Variants in ATP2A2 observed in about 807,000 individuals in gnomAD.
ATP2A2 encodes the protein ATPase sarcoplasmic/endoplasmic reticulum Ca2+ transporting 2.
In ATP2A2, 14 loss-of-function variants were observed where a neutral mutation model predicts 109.3. The ratio of observed to expected loss-of-function variants is 0.13; its 90% CI spans 0.08 to 0.20. The LOEUF (loss-of-function observed/expected upper bound fraction) is 0.20, where lower values mean the gene tolerates loss of function less well. Ranked by LOEUF, ATP2A2 falls within the 10% of genes least tolerant of loss-of-function variation. The pLI is 1.00. For synonymous variants in ATP2A2, 506 were observed against 490.9 expected (o/e 1.03, Z -0.41); for missense variants, 657 against 1,321.6 (o/e 0.50, Z 7.80).
At chr12:110,291,640 CTTTTTT>C (rs34738611) in intron 3 of ATP2A2, among the ~76,000 whole-genome samples, 77 of 116,152 alleles carry the variant, frequency 6.6e-4, no homozygotes, top group African/African-American at 2.5e-3. Flanking sequence ...GTGCTAGCCA[CTTTTTT>C]TTTTTTTTTT....
At chr12:110,333,904 T>C in intron 10 of ATP2A2, 108 bp from the exon 11 acceptor site, 4 of 1,466,062 alleles carry the variant, frequency 2.7e-6, no homozygotes, top group Non-Finnish European at 3.8e-6. Context: ...GGCCTTACAG[T>C]GTTGTAATAG....
intron 8 of ATP2A2, chr12:110,332,024 T>C (rs767189702): frequency 1.1e-4 from 19 of 172,644 alleles, no homozygotes; most frequent in Non-Finnish European, 2.1e-4. Context: ...CATATAGTTA[T>C]GCAGCTTCAT....
Position 110,332,616 on chromosome 12 carries a change from T to C in ATP2A2, c.1115T>C (p.Val372Ala). ...CTACAGATGTTCATTCTGGACAGAGTGGAAGGTGATACTTGTTCCCTTAAT... is the reference window on the plus strand; with the variant it reads ...CTACAGATGTTCATTCTGGACAGAGCGGAAGGTGATACTTGTTCCCTTAAT... ...SVCRMFILDR[V>A]EGDTCSLNEF... Residue 372 changes from valine to alanine, a missense_variant, in exon 9 of 20, where the codon GTG becomes GCG. By Grantham distance (64) the Val-to-Ala change is moderately conservative. Coordinates refer to ENST00000539276, the MANE Select transcript of ATP2A2 (RefSeq NM_170665.4). 1 of 1,613,332 alleles carries C rather than the reference T, an allele frequency of 6.2e-7. No individual in the cohort carries two copies. Among genetic ancestry groups the C allele is most frequent in the Non-Finnish European group, 8.5e-7 (1 of 1,179,308 alleles).
At chr12:110,330,174 T>A (rs1294864877) in intron 8 of ATP2A2, 1 of 152,220 alleles carries the variant, frequency 6.6e-6, no homozygotes, top group Non-Finnish European at 1.5e-5. Context: ...TAGATAATTA[T>A]TTTTAACATC....
chr12:110,344,901 C>G lies in ATP2A2; in HGVS notation c.2537C>G (p.Ala846Gly). The G allele has an allele frequency of 6.2e-7, 1 of 1,614,226 alleles. No homozygotes were observed. Among genetic ancestry groups the G allele is most frequent in the Non-Finnish European group, 8.5e-7 (1 of 1,180,032 alleles). ...YLAIGCYVGA[A>G]TVGAAAWWFI... ...TTGTTCCCAGGTTACGTCGGCGCTGCTACCGTGGGTGCTGCTGCATGGTGG... is the reference window on the plus strand; with the variant it reads ...TTGTTCCCAGGTTACGTCGGCGCTGGTACCGTGGGTGCTGCTGCATGGTGG... The change falls in exon 17 of 20, where the codon GCT becomes GGT. Residue 846 changes from alanine (A) to glycine (G), a missense_variant. This residue lies in a region of ATP2A2 where 125 missense variants were observed against 243.5 expected (regional missense o/e 0.51). Transcript: ENST00000539276.
rs367603405 is a variant in ATP2A2, at chr12:110,346,180, C to T, written c.2860-21C>T. ...CTTCCAGGGGAGGCTGGAGGCGTGA[C>T]ACGTCTTCCCTGTGTGTCAGCTCAT... On this transcript the variant is annotated intron_variant, in intron 19 of 19. Coordinates refer to ENST00000539276, the MANE Select transcript of ATP2A2 (RefSeq NM_170665.4). 2.6e-3 allele frequency: 4,117 copies of T among 1,614,046 alleles called. 131 individuals are homozygous for T. In the South Asian group the frequency reaches 0.042, roughly 16 times the overall value.
chr12:110,305,176 C>T (rs571540692), intron 5 of ATP2A2, among the ~76,000 whole-genome samples: 17 of 152,304 alleles, frequency 1.1e-4, no homozygotes, highest in Non-Finnish European at 1.5e-4. Flanking sequence ...TCAAATGATC[C>T]GCCTGCCTCA....
In ATP2A2 at chr12:110,333,925, G is replaced by T. The variant is rs148232587; in HGVS notation, c.1288-87G>T. On this transcript the variant is annotated intron_variant, in intron 10 of 19. Coordinates refer to ENST00000539276, the MANE Select transcript of ATP2A2 (RefSeq NM_170665.4). The stretch of plus-strand genomic sequence containing the variant: ...ACAGTGTTGTAATAGAGGACAGATT[G>T]TGCTTTTGTGGAAAAAAAATATTAA... 98 of 1,577,874 alleles carry T rather than the reference G, an allele frequency of 6.2e-5. No individual in the cohort carries two copies. The African/African-American group carries it at 1.2e-3, about 19-fold the overall frequency.
At chr12:110,316,292 A>G (rs3026459) in intron 5 of ATP2A2, among the ~76,000 whole-genome samples, 8,343 of 152,226 alleles carry the variant, frequency 0.055, 319 homozygotes, top group African/African-American at 0.11. Flanking sequence ...AGCTAAAACT[A>G]CAGTCTTTCT....
In ATP2A2 at chr12:110,339,139, G is replaced by A; in HGVS notation, c.1420-142G>A. Reference sequence around the variant, plus strand: ...CTGTCTCTCCCAAAATAGGGGACAAGTTTCATGAGGGCAAAAACCTGTCTG... The same window carrying A: ...CTGTCTCTCCCAAAATAGGGGACAAATTTCATGAGGGCAAAAACCTGTCTG... On this transcript the variant is annotated intron_variant, in intron 11 of 19. Coordinates refer to ENST00000539276, the MANE Select transcript of ATP2A2 (RefSeq NM_170665.4). The surrounding 1 kb of genome is among the most constrained non-coding windows in gnomAD (Gnocchi z 4.4). 1 of 1,176,360 alleles carries A rather than the reference G, an allele frequency of 8.5e-7. No homozygotes were observed. Among genetic ancestry groups the A allele is most frequent in the Non-Finnish European group, 1.2e-6 (1 of 812,522 alleles). 72.9% of individuals were successfully genotyped at this position (1,176,360 alleles called of 1,614,324 possible).
chr12:110,314,830 TA>T (rs975610862), intron 5 of ATP2A2, among the ~76,000 whole-genome samples: 2 of 152,096 alleles, frequency 1.3e-5, no homozygotes, highest in African/African-American at 4.8e-5. Flanking sequence ...GTGAATGTTG[TA>T]CATAAAGAGA....
At chr12:110,344,817 C>G (rs891047356) in intron 16 of ATP2A2, 69 bp from the exon 17 acceptor site, 7 of 1,462,430 alleles carry the variant, frequency 4.8e-6, no homozygotes, top group African/African-American at 4.2e-5. Flanking sequence ...TGGGGACTGG[C>G]CTGCATGGCC....
chr12:110,301,192 A>C (rs1404637483), intron 5 of ATP2A2, among the ~76,000 whole-genome samples: 1 of 152,146 alleles, frequency 6.6e-6, no homozygotes, highest in Non-Finnish European at 1.5e-5. Context: ...TAGTGTGTTG[A>C]GTCTACTTGA....
intron 5 of ATP2A2, among the ~76,000 whole-genome samples, chr12:110,318,038 A>T (rs960578424): frequency 1.3e-5 from 2 of 152,224 alleles, no homozygotes; most frequent in Admixed American, 6.5e-5. Context: ...TGGCAAGAGT[A>T]AGAATTTTCC....
In ATP2A2 at chr12:110,325,704, A is replaced by T. The variant is rs1482702078; in HGVS notation, c.545-686A>T. The T allele has an allele frequency of 2.0e-5, 3 of 153,638 alleles. No individual in the cohort carries two copies. The East Asian group carries it at 5.8e-4, about 30-fold the overall frequency. 9.5% of individuals were successfully genotyped at this position (153,638 alleles called of 1,614,324 possible). A position where few individuals can be genotyped will look rare whatever the true frequency, so the allele number is the denominator to read the frequency against. The stretch of plus-strand genomic sequence containing the variant: ...CTTGCTAATTGCTACTCCAGAGCAT[A>T]GCCAGATGTGGCCCACACCTGTAAT... On this transcript the variant is annotated intron_variant, in intron 6 of 19. Coordinates refer to ENST00000539276, the MANE Select transcript of ATP2A2 (RefSeq NM_170665.4).
intron 8 of ATP2A2, chr12:110,331,628 G>A (rs529926322): frequency 3.7e-4 from 56 of 152,316 alleles, no homozygotes; most frequent in African/African-American, 1.3e-3. Context: ...GAGCCACCGT[G>A]CCCAGCTCAA....
Position 110,333,214 on chromosome 12 carries a change from G to A in ATP2A2, c.1218G>A (p.Gln406=). Residue 406 remains glutamine (Q), a synonymous_variant, in exon 10 of 20, where the codon CAG becomes CAA. Coordinates refer to ENST00000539276, the MANE Select transcript of ATP2A2 (RefSeq NM_170665.4). The stretch of plus-strand genomic sequence containing the variant: ...ATGATAAACCAGTGAATTGTCACCA[G>A]TATGATGGTCTGGTAGAATTAGCAA... The part of the protein sequence containing the change: ...HKDDKPVNCH[Q]YDGLVELATI... The A allele has an allele frequency of 1.9e-6, 3 of 1,614,102 alleles. No individual in the cohort carries two copies. The highest frequency in any genetic ancestry group is 1.6e-4 in the Middle Eastern group (1 of 6,062).
intron 5 of ATP2A2, among the ~76,000 whole-genome samples, chr12:110,313,541 C>T (rs1876331102): frequency 1.3e-5 from 2 of 151,336 alleles, no homozygotes; most frequent in Admixed American, 6.6e-5. Context: ...TCTCAAACTC[C>T]TGACCTCAAG....
chr12:110,346,553 T>C lies in ATP2A2; in HGVS notation c.*83T>C. ...AAAGCAACTGTCTATTTCTGCTGAA[T>C]TTTCACATGAACATACTGGCTGGTG... On this transcript the variant is annotated 3_prime_UTR_variant, in exon 20 of 20. Coordinates refer to ENST00000539276, the MANE Select transcript of ATP2A2 (RefSeq NM_170665.4). The C allele has an allele frequency of 1.3e-6, 2 of 1,578,292 alleles. No homozygotes were observed. Among genetic ancestry groups the C allele is most frequent in the Non-Finnish European group, 1.7e-6 (2 of 1,165,534 alleles).
Sources: gnomAD v4.1 joint callset for allele counts (sites outside exome capture counted in the v4.1 genomes callset) on GRCh38, gnomAD v4.1.1 for gene constraint, gnomAD v4.1.1 regional missense constraint, Gnocchi (gnomAD v3.1) non-coding constraint, MANE v1.5 for transcripts, NCBI Gene and HGNC (gene_info 2026-07-23, HGNC 2026-07-21) for gene names.